The following PPP2R2C variants were observed in gnomAD, a reference collection of about 807,000 sequenced individuals.
The protein encoded by PPP2R2C is protein phosphatase 2 regulatory subunit Bgamma.
In PPP2R2C, 10 loss-of-function variants were observed where a neutral mutation model predicts 45.3. The observed-to-expected ratio is 0.22, with a 90% CI of 0.14 to 0.37. The LOEUF (loss-of-function observed/expected upper bound fraction) is 0.37, where lower values mean the gene tolerates loss of function less well. Among genes scored for constraint, PPP2R2C ranks in the 10% least tolerant of loss-of-function variants. PPP2R2C has a pLI of 1.00. For synonymous variants in PPP2R2C, 257 were observed against 245.4 expected, an observed-to-expected ratio of 1.05 and a Z score of -0.44; for missense variants, 308 against 619.7, an observed-to-expected ratio of 0.50 and a Z score of 5.34.
chr4:6,415,975 C>T (rs760648334), intron 1 of PPP2R2C, among the ~76,000 whole-genome samples: 2 of 152,232 alleles, frequency 1.3e-5, no homozygotes, highest in Non-Finnish European at 2.9e-5. Flanking sequence ...CACCCCAACT[C>T]CTTTATCCAC....
intron 6 of PPP2R2C, among the ~76,000 whole-genome samples, chr4:6,343,446 A>T (rs950532731): frequency 7.2e-5 from 11 of 152,332 alleles, no homozygotes; most frequent in Non-Finnish European, 1.0e-4. Context: ...TGGTTGTTTA[A>T]AATTTTTCTT....
chr4:6,416,881 CG>C (rs909766747), intron 1 of PPP2R2C, among the ~76,000 whole-genome samples: 3 of 152,128 alleles, frequency 2.0e-5, no homozygotes, highest in Non-Finnish European at 4.4e-5. Context: ...TTCCCCCTGT[CG>C]GGGGGAGACT....
At chr4:6,448,713 G>A (rs1479036136) in intron 1 of PPP2R2C, among the ~76,000 whole-genome samples, 7 of 152,082 alleles carry the variant, frequency 4.6e-5, no homozygotes, top group East Asian at 1.9e-4. Context: ...GACATTCCCC[G>A]GGCCAAGGAC....
At chr4:6,411,593 C>A (rs1718204355) in intron 1 of PPP2R2C, among the ~76,000 whole-genome samples, 1 of 149,962 alleles carries the variant, frequency 6.7e-6, no homozygotes, top group Non-Finnish European at 1.5e-5. Flanking sequence ...TGCTCTATGG[C>A]CCAGGCTGGA....
intron 5 of PPP2R2C, among the ~76,000 whole-genome samples, chr4:6,369,054 A>G (rs1214150328): frequency 1.3e-5 from 2 of 152,242 alleles, no homozygotes; most frequent in Non-Finnish European, 2.9e-5. Context: ...ACATTGAAGC[A>G]CATGTTTACC....
chr4:6,403,729 G>C (rs1295859567), intron 1 of PPP2R2C, among the ~76,000 whole-genome samples: 1 of 152,134 alleles, frequency 6.6e-6, no homozygotes, highest in Non-Finnish European at 1.5e-5. Context: ...TGGGCGTGGT[G>C]GTGGGTGCCT....
chr4:6,380,223 G>T (rs899764657), intron 2 of PPP2R2C: 1 of 152,438 alleles, frequency 6.6e-6, no homozygotes, highest in Non-Finnish European at 1.5e-5. Context: ...TGTCACAGGG[G>T]TGTGGATCTG....
intron 8 of PPP2R2C, among the ~76,000 whole-genome samples, chr4:6,327,006 G>A (rs978336108): frequency 1.3e-5 from 2 of 152,226 alleles, no homozygotes; most frequent in Admixed American, 1.3e-4. Context: ...AGCCTCTGAG[G>A]CCCTGGAAGG....
intron 2 of PPP2R2C, among the ~76,000 whole-genome samples, chr4:6,484,145 A>G (rs951478273): frequency 7.9e-5 from 12 of 152,034 alleles, no homozygotes; most frequent in African/African-American, 2.9e-4. Flanking sequence ...GAGATCTATG[A>G]TCCATTTTGA....
chr4:6,386,297 C>T (rs764801459), intron 1 of PPP2R2C, among the ~76,000 whole-genome samples: 20 of 152,202 alleles, frequency 1.3e-4, no homozygotes, highest in Non-Finnish European at 2.6e-4. Flanking sequence ...GACGGAAAGC[C>T]AGAGTCTCAC....
At position 6,377,854 on chromosome 4, in the gene PPP2R2C, C is replaced by T. The variant is rs78920936; in HGVS notation, c.334+553G>A. ...AAGCAGGCGTCAGGCCGAGAGCCTC[C>T]GGTGCCTGAGGGGTACATGCTCCTC... On this transcript the variant is annotated intron_variant, in intron 3 of 8. Transcript: ENST00000382599. Among the ~76,000 whole-genome samples the T allele has an allele frequency of 8.6e-3, 1,302 of 152,186 alleles. 15 individuals carry two copies. The highest frequency in any genetic ancestry group is 0.029 in the African/African-American group (1,199 of 41,528).
chr4:6,550,435 C>T (rs1725145835), intron 1 of PPP2R2C, among the ~76,000 whole-genome samples: 1 of 152,226 alleles, frequency 6.6e-6, no homozygotes, highest in African/African-American at 2.4e-5. Context: ...CAGAACTTCA[C>T]CCTTCACTAA....
At chr4:6,520,082 G>A (rs1723965358) in intron 2 of PPP2R2C, among the ~76,000 whole-genome samples, 1 of 152,188 alleles carries the variant, frequency 6.6e-6, no homozygotes, top group Non-Finnish European at 1.5e-5. Flanking sequence ...GCTTTAACAG[G>A]CAGAGAGGGA....
At chr4:6,521,077 G>A (rs1724002374) in intron 2 of PPP2R2C, among the ~76,000 whole-genome samples, 1 of 152,206 alleles carries the variant, frequency 6.6e-6, no homozygotes, top group Admixed American at 6.5e-5. Flanking sequence ...TGGAAAGTAA[G>A]GTTCGAAAAG....
chr4:6,326,176 T>C (rs1435458912), intron 8 of PPP2R2C, among the ~76,000 whole-genome samples: 1 of 151,834 alleles, frequency 6.6e-6, no homozygotes, highest in African/African-American at 2.4e-5. Flanking sequence ...CTGGGAGGGG[T>C]TGGCTGGCTG....
At chr4:6,361,512 G>C (rs1034980807) in intron 5 of PPP2R2C, among the ~76,000 whole-genome samples, 1 of 152,194 alleles carries the variant, frequency 6.6e-6, no homozygotes, top group Non-Finnish European at 1.5e-5. Flanking sequence ...CTTCTGCTTT[G>C]CAGGGCTGTA....
At chr4:6,418,235 C>A (rs4379121) in intron 1 of PPP2R2C, among the ~76,000 whole-genome samples, 1 of 151,926 alleles carries the variant, frequency 6.6e-6, no homozygotes, top group Non-Finnish European at 1.5e-5. Flanking sequence ...ACCATTCAGA[C>A]CCACCTACCC....
rs370744573 is a variant in PPP2R2C at position 6,333,568 on chromosome 4, G to C, written c.954C>G (p.Thr318=). ...CTCCTGCTGTGGTGCCCACCTGGTA[G>C]GTCTCTATGGGTCTTGCCTCCATGT... is the stretch of plus-strand genomic sequence containing the variant. ...DLNMEARPIE[T]YQVHDYLRSK... Residue 318 remains threonine (T), a synonymous_variant, in exon 7 of 9, where the codon ACC becomes ACG. Coordinates refer to ENST00000382599, the MANE Select transcript of PPP2R2C (RefSeq NM_020416.4). 4.3e-6 allele frequency: 7 copies of C among 1,613,316 alleles called. No homozygotes were observed. Among genetic ancestry groups the C allele is most frequent in the Non-Finnish European group, 5.9e-6 (7 of 1,179,472 alleles).
Position 6,334,013 on chromosome 4 carries a change from G to A in PPP2R2C, c.791-282C>T, listed in dbSNP as rs577592357. ...AGTGCTGGAAGAAGGTGGTAGAGTC[G>A]GGATTTGAAGCCAAAGCTATACTTG... On this transcript the variant is annotated intron_variant, in intron 6 of 8. Transcript: ENST00000382599. 2.0e-3 allele frequency among the ~76,000 whole-genome samples: 298 copies of A among 152,284 alleles called. 2 individuals carry two copies. Among genetic ancestry groups the A allele is most frequent in the African/African-American group, 6.9e-3 (288 of 41,558 alleles).
Sources: allele counts gnomAD v4.1 joint callset (sites outside exome capture counted in the v4.1 genomes callset), GRCh38; gene constraint gnomAD v4.1.1; transcripts MANE v1.5; gene names NCBI Gene and HGNC (gene_info 2026-07-23, HGNC 2026-07-21).